DCAF4: variants seen among roughly 807,000 people sequenced by gnomAD.
DCAF4 encodes DDB1 and CUL4 associated factor 4, also known as DDB1- and CUL4-associated factor 4.
DCAF4 carries 37 observed loss-of-function variants against 60.9 expected under a neutral mutation model. The observed-to-expected ratio is 0.61, with a 90% CI of 0.47 to 0.80. DCAF4 has a LOEUF of 0.80. Ranked by LOEUF, DCAF4 falls within the 30% of genes least tolerant of loss-of-function variation. The probability of loss-of-function intolerance (pLI) is 0.00; values close to 1 mark genes in which losing one functional copy is unlikely to be tolerated. For synonymous variants in DCAF4, 243 were observed against 254.8 expected (o/e 0.95, Z 0.44); for missense variants, 577 against 650.0 (o/e 0.89, Z 1.22).
At chr14:72,941,688 T>C in intron 4 of DCAF4, 57 bp from the exon 5 acceptor site, 1 of 1,524,264 alleles carries the variant, frequency 6.6e-7, no homozygotes, top group Non-Finnish European at 9.1e-7. Flanking sequence ...ACATTCTCCA[T>C]CATCCCCTAA....
intron 13 of DCAF4, chr14:72,956,913 G>C (rs1480134695): frequency 4.4e-6 from 1 of 225,250 alleles, no homozygotes; most frequent in African/African-American, 2.4e-5. Flanking sequence ...TATGGTCATT[G>C]TAAAGATTCT....
chr14:72,954,599 C>T (rs1280376272), intron 11 of DCAF4, 116 bp downstream of exon 11: 4 of 969,892 alleles, frequency 4.1e-6, no homozygotes, highest in Non-Finnish European at 6.2e-6. Flanking sequence ...GGAGAAAGAG[C>T]ATCAGAAAGG....
chr14:72,954,538 G>A (rs1892016475), intron 11 of DCAF4, 55 bp downstream of exon 11: 7 of 1,572,708 alleles, frequency 4.5e-6, no homozygotes, highest in Non-Finnish European at 5.2e-6. Flanking sequence ...TAGAAATTTG[G>A]CCAGATTGAA....
intron 1 of DCAF4, chr14:72,930,050 G>A: frequency 3.6e-6 from 2 of 555,014 alleles, no homozygotes; most frequent in South Asian, 4.7e-5. Flanking sequence ...AGGACGGCTT[G>A]AGCCGGGGAG....
intron 2 of DCAF4, 46 bp from the exon 3 acceptor site, chr14:72,939,756 G>T: frequency 6.5e-7 from 1 of 1,544,554 alleles, no homozygotes; most frequent in South Asian, 1.2e-5. Context: ...AGAATGGCTG[G>T]AACTCAAGTC....
rs768920006 is a variant in DCAF4 at position 72,951,922 on chromosome 14, G to C, written c.808+45G>C. On this transcript the variant is annotated intron_variant, in intron 9 of 13. Transcript: ENST00000358377. ...TAAAGAAATCTGTCCTCTGTCTCCC[G>C]AGAGCTGTGTGGGGGTGGCTTAGAG... is the stretch of plus-strand genomic sequence containing the variant. 6 of 1,605,932 alleles carry C rather than the reference G, an allele frequency of 3.7e-6. No homozygotes were observed. The Admixed American group carries it at 5.0e-5, about 13-fold the overall frequency.
At chr14:72,938,328 G>A (rs999554565) in intron 2 of DCAF4, among the ~76,000 whole-genome samples, 4 of 152,170 alleles carry the variant, frequency 2.6e-5, no homozygotes, top group Non-Finnish European at 5.9e-5. Flanking sequence ...AAGTGACCAC[G>A]ACCTCTGGCC....
At chr14:72,962,095 C>T (rs528453115), downstream of DCAF4, 1 of 852,970 alleles carries the variant, frequency 1.2e-6, no homozygotes, top group African/African-American at 1.8e-5. Context: ...ATTTGTGTCT[C>T]CAAGTGTGCC....
intron 4 of DCAF4, 153 bp downstream of exon 4, chr14:72,940,530 ACAAGAATAAGAACAGC>A (rs577287808): frequency 2.8e-6 from 2 of 719,868 alleles, no homozygotes; most frequent in South Asian, 4.8e-5. Flanking sequence ...CAGGAAGAAG[ACAAGAATAAGAACAGC>A]CAAGAGCCCC....
rs1890846148 is a variant in DCAF4, at chr14:72,947,191, T to C, written c.728T>C (p.Leu243Pro). Residue 243 changes from leucine (L) to proline (P), a missense_variant and splice_region_variant, in exon 8 of 14, where the codon CTG (leucine) becomes CCG (proline). Transcript: ENST00000358377. Reference sequence around the variant, plus strand: ...CTGAATCACTTGGATTCCCACATTCTGTATCCTTTGGCAGAGGAAGAGGTT... The same window carrying C: ...CTGAATCACTTGGATTCCCACATTCCGTATCCTTTGGCAGAGGAAGAGGTT... ...ASLNHLDSHI[L>P]LCLMGLAETP... 1.2e-6 allele frequency: 2 copies of C among 1,614,044 alleles called. No homozygotes were observed. Among genetic ancestry groups the C allele is most frequent in the Non-Finnish European group, 1.7e-6 (2 of 1,179,954 alleles).
At chr14:72,929,832 C>T (rs1888292330) in intron 1 of DCAF4, 1 of 1,360,852 alleles carries the variant, frequency 7.3e-7, no homozygotes, top group South Asian at 1.2e-5. Context: ...TGCGTTTGCT[C>T]AGACGCCCGC....
intron 1 of DCAF4, among the ~76,000 whole-genome samples, chr14:72,929,409 C>A (rs1381256960): frequency 1.3e-5 from 2 of 152,228 alleles, no homozygotes; most frequent in Admixed American, 1.3e-4. Context: ...TGTGTTAAAT[C>A]TCAGATTTGC....
intron 1 of DCAF4, among the ~76,000 whole-genome samples, chr14:72,937,032 G>T (rs1017454672): frequency 6.6e-6 from 1 of 152,204 alleles, no homozygotes; most frequent in Non-Finnish European, 1.5e-5. Context: ...TAGTAGAAAG[G>T]CGAGGAGAGA....
rs1185321466 is a variant in DCAF4 at position 72,953,727 on chromosome 14, AAAAAAATATATATAT to A, written c.809-435_809-421del. ...CCTGTCTTAAAAAAAAAAAAAAAAA[AAAAAAATATATATAT>A]ATATATATATATATATATATAGTTT... On this transcript the variant is annotated intron_variant, in intron 9 of 13. Coordinates refer to ENST00000358377, the MANE Select transcript of DCAF4 (RefSeq NM_015604.4). Among the ~76,000 whole-genome samples the A allele has an allele frequency of 1.5e-3, 71 of 47,368 alleles. 6 individuals carry two copies. The highest frequency in any genetic ancestry group is 6.8e-3 in the African/African-American group (69 of 10,154). 31.1% of individuals were successfully genotyped at this position (47,368 alleles called of 152,430 possible).
chr14:72,942,626 G>A (rs7154677), intron 5 of DCAF4: 6 of 100,494 alleles, frequency 6.0e-5, no homozygotes, highest in Non-Finnish European at 8.9e-5. Context: ...GGCTCTTCCC[G>A]GCAGCCGTAT....
At chr14:72,942,666 C>CT in intron 5 of DCAF4, 1 of 265,172 alleles carries the variant, frequency 3.8e-6, no homozygotes. Flanking sequence ...GCGGAGTGCC[C>CT]TCCAGACCAT....
intron 3 of DCAF4, 104 bp downstream of exon 3, chr14:72,940,006 G>T (rs900843537): frequency 1.6e-6 from 2 of 1,270,998 alleles, no homozygotes; most frequent in African/African-American, 3.0e-5. Flanking sequence ...AAACACTCAG[G>T]GAAGGAGCTG....
At chr14:72,930,906 C>T (rs1888484771) in intron 1 of DCAF4, among the ~76,000 whole-genome samples, 1 of 152,076 alleles carries the variant, frequency 6.6e-6, no homozygotes. Flanking sequence ...AGATGAAAAC[C>T]AGTTGACCAT....
intron 11 of DCAF4, among the ~76,000 whole-genome samples, chr14:72,955,214 G>A (rs1441824178): frequency 1.3e-5 from 2 of 152,050 alleles, no homozygotes; most frequent in Non-Finnish European, 2.9e-5. Flanking sequence ...TGCTTTTGGT[G>A]GAGATGGAAT....
Sources: allele counts gnomAD v4.1 joint callset (sites outside exome capture counted in the v4.1 genomes callset), GRCh38; gene constraint gnomAD v4.1.1; transcripts MANE v1.5; gene names NCBI Gene and HGNC (gene_info 2026-07-23, HGNC 2026-07-21).